The following ATG5 variants were observed in gnomAD, a reference collection of about 807,000 sequenced individuals.
ATG5 encodes autophagy related 5, also known as autophagy protein 5.
A neutral mutation model predicts 36.5 loss-of-function variants in ATG5; 14 were observed. The ratio of observed to expected loss-of-function variants is 0.38; its 90% CI spans 0.25 to 0.60. ATG5 has a LOEUF of 0.60. Among genes scored for constraint, ATG5 ranks in the 20% least tolerant of loss-of-function variants. ATG5 has a pLI of 0.60. For synonymous variants in ATG5, 95 were observed against 101.5 expected (o/e 0.94, Z 0.38); for missense variants, 195 against 326.7 (o/e 0.60, Z 3.11).
At position 106,201,838 on chromosome 6, in the gene ATG5, G is replaced by C. The variant is rs1485692467; in HGVS notation, c.691+134C>G. 19 of 571,900 alleles carry C rather than the reference G, an allele frequency of 3.3e-5. No individual in the cohort carries two copies. The Admixed American group carries it at 5.1e-4, about 15-fold the overall frequency. The allele number at this position is 571,900 out of a possible 1,614,324, so 35.4% of individuals were successfully genotyped here. A position where few individuals can be genotyped will look rare whatever the true frequency, so the allele number is the denominator to read the frequency against. ...AATATATTAAATATTAGGTGCTTCTGTTTGAAAAGACTTTTCGCTGTAAGA... is the reference window on the plus strand; with the variant it reads ...AATATATTAAATATTAGGTGCTTCTCTTTGAAAAGACTTTTCGCTGTAAGA... On this transcript the variant is annotated intron_variant, in intron 7 of 7. Coordinates refer to ENST00000369076, the MANE Select transcript of ATG5 (RefSeq NM_004849.4).
At chr6:106,319,400 G>A (rs73761681) in intron 1 of ATG5, among the ~76,000 whole-genome samples, 3,759 of 152,190 alleles carry the variant, frequency 0.025, 65 homozygotes, top group African/African-American at 0.05. Context: ...ATATTTAATC[G>A]TTTGATATGC....
chr6:106,198,794 G>C (rs903371860), intron 7 of ATG5, among the ~76,000 whole-genome samples: 1 of 151,584 alleles, frequency 6.6e-6, no homozygotes, highest in South Asian at 2.1e-4. Context: ...AAAAGAGAGA[G>C]AGTGAGAAAG....
chr6:106,304,107 G>T (rs770041065), intron 3 of ATG5: 1 of 152,086 alleles, frequency 6.6e-6, no homozygotes, highest in Non-Finnish European at 1.5e-5. Context: ...TAGAACTAGT[G>T]TGTGAGTTCA....
chr6:106,286,469 G>C (rs1174929599), intron 4 of ATG5, among the ~76,000 whole-genome samples: 2 of 152,148 alleles, frequency 1.3e-5, no homozygotes, highest in African/African-American at 2.4e-5. Flanking sequence ...ATAAATATCT[G>C]ATGAATAAAT....
intron 7 of ATG5, among the ~76,000 whole-genome samples, chr6:106,195,096 A>G (rs1293587720): frequency 1.3e-5 from 2 of 152,198 alleles, no homozygotes; most frequent in Non-Finnish European, 2.9e-5. Context: ...AAAAGAGCTC[A>G]TCATTAGTTA....
chr6:106,233,891 C>A (rs368921836), intron 6 of ATG5, among the ~76,000 whole-genome samples: 1 of 152,076 alleles, frequency 6.6e-6, no homozygotes, highest in Non-Finnish European at 1.5e-5. Flanking sequence ...ATGAAGAATG[C>A]GGCTTCCCAG....
chr6:106,298,467 C>T (rs1770068047), intron 3 of ATG5, among the ~76,000 whole-genome samples: 1 of 152,044 alleles, frequency 6.6e-6, no homozygotes, highest in Non-Finnish European at 1.5e-5. Flanking sequence ...GGGAGAATTG[C>T]TTGAACCCGG....
At chr6:106,290,632 T>C (rs1780267874) in intron 4 of ATG5, among the ~76,000 whole-genome samples, 3 of 152,168 alleles carry the variant, frequency 2.0e-5, no homozygotes, top group Non-Finnish European at 4.4e-5. Flanking sequence ...ATTGTAATAA[T>C]AATGTGGAAT....
At chr6:106,320,532 C>T (rs1306625530) in intron 1 of ATG5, among the ~76,000 whole-genome samples, 1 of 151,758 alleles carries the variant, frequency 6.6e-6, no homozygotes, top group East Asian at 1.9e-4. Context: ...TAACATCACA[C>T]GTGACCTTTA....
At chr6:106,211,886 T>G (rs1776865111) in intron 6 of ATG5, among the ~76,000 whole-genome samples, 1 of 152,242 alleles carries the variant, frequency 6.6e-6, no homozygotes, top group Non-Finnish European at 1.5e-5. Flanking sequence ...TCAGCTACTT[T>G]GTGTGTGTGC....
chr6:106,282,198 C>G (rs758965626), intron 4 of ATG5, among the ~76,000 whole-genome samples: 7 of 152,238 alleles, frequency 4.6e-5, no homozygotes, highest in Admixed American at 6.5e-5. Flanking sequence ...CTGTACTCAT[C>G]TACATCAGGT....
Position 106,196,157 on chromosome 6 carries a change from G to C in ATG5, c.691+5815C>G, listed in dbSNP as rs1776179910. Among the ~76,000 whole-genome samples the C allele has an allele frequency of 2.6e-5, 4 of 152,198 alleles. No homozygotes were observed. The South Asian group carries it at 8.3e-4, about 32-fold the overall frequency. On this transcript the variant is annotated intron_variant, in intron 7 of 7. Coordinates refer to ENST00000369076, the MANE Select transcript of ATG5 (RefSeq NM_004849.4). ...TAACAAAACAAACAAAATAAAAACA[G>C]TAGACACTCAGGTTCCTAAGATCAT... is the stretch of plus-strand genomic sequence containing the variant.
chr6:106,218,831 T>C (rs1242680638), intron 6 of ATG5, among the ~76,000 whole-genome samples: 1 of 152,182 alleles, frequency 6.6e-6, no homozygotes, highest in Non-Finnish European at 1.5e-5. Context: ...ACTTTAAATG[T>C]AAGTTAATAC....
At chr6:106,231,003 A>G (rs1453351436) in intron 6 of ATG5, among the ~76,000 whole-genome samples, 2 of 150,156 alleles carry the variant, frequency 1.3e-5, no homozygotes, top group African/African-American at 4.9e-5. Flanking sequence ...AGCATCCCCC[A>G]GACTCCTTCC....
chr6:106,305,133 T>C (rs1389762848), intron 3 of ATG5, among the ~76,000 whole-genome samples: 1 of 151,752 alleles, frequency 6.6e-6, no homozygotes, highest in East Asian at 1.9e-4. Flanking sequence ...ACATTAATTA[T>C]ATGCTTGGGA....
At chr6:106,266,595 A>C (rs1433154621) in intron 5 of ATG5, among the ~76,000 whole-genome samples, 2 of 152,228 alleles carry the variant, frequency 1.3e-5, no homozygotes, top group African/African-American at 4.8e-5. Context: ...CAATGTGAAA[A>C]TCCTCAAGAA....
chr6:106,185,104 C>T lies in ATG5; in HGVS notation c.*1436G>A, dbSNP rs1384630221. ...GGCTATTCTTTTTGATTAAGCTTTA[C>T]AATTTCCATTCCAGAATATCTGGTC... On this transcript the variant is annotated 3_prime_UTR_variant, in exon 8 of 8. Transcript: ENST00000369076. The T allele has an allele frequency of 6.6e-6, 1 of 152,624 alleles. No homozygotes were observed. The highest frequency in any genetic ancestry group is 2.4e-5 in the African/African-American group (1 of 41,444). The allele number at this position is 152,624 out of a possible 1,614,324, so 9.5% of individuals were successfully genotyped here.
intron 7 of ATG5, among the ~76,000 whole-genome samples, chr6:106,200,575 C>T (rs377577415): frequency 6.5e-4 from 99 of 151,748 alleles, no homozygotes; most frequent in African/African-American, 2.3e-3. Flanking sequence ...TGTGGGTTCA[C>T]GTCATTCTCC....
At chr6:106,245,434 T>A (rs1349300757) in intron 6 of ATG5, among the ~76,000 whole-genome samples, 1 of 152,192 alleles carries the variant, frequency 6.6e-6, no homozygotes, top group East Asian at 1.9e-4. Flanking sequence ...AAAGTCATAG[T>A]TTGCTCATAA....
Sources: gnomAD v4.1 joint callset for allele counts (sites outside exome capture counted in the v4.1 genomes callset) on GRCh38, gnomAD v4.1.1 for gene constraint, MANE v1.5 for transcripts, NCBI Gene and HGNC (gene_info 2026-07-23, HGNC 2026-07-21) for gene names.